TTC8: variants seen among roughly 807,000 people sequenced by gnomAD.
TTC8 encodes the protein tetratricopeptide repeat protein 8.
TTC8 carries 47 observed loss-of-function variants against 72.5 expected under a neutral mutation model. The ratio of observed to expected loss-of-function variants is 0.65; its 90% CI spans 0.51 to 0.83. The LOEUF is 0.83. Among genes scored for constraint, TTC8 ranks in the 40% least tolerant of loss-of-function variants. The probability of loss-of-function intolerance (pLI) is 0.00; values close to 1 mark genes in which losing one functional copy is unlikely to be tolerated. For synonymous variants in TTC8, 199 were observed against 221.4 expected (o/e 0.90, Z 0.90); for missense variants, 611 against 623.2 (o/e 0.98, Z 0.21).
At chr14:88,874,661 A>G (rs1214588166) in intron 13 of TTC8, among the ~76,000 whole-genome samples, 3 of 152,168 alleles carry the variant, frequency 2.0e-5, no homozygotes, top group Non-Finnish European at 4.4e-5. Flanking sequence ...TAAAAACTAG[A>G]TTAAGTAGAA....
At chr14:88,864,843 G>T (rs1480155259) in intron 10 of TTC8, among the ~76,000 whole-genome samples, 1 of 152,196 alleles carries the variant, frequency 6.6e-6, no homozygotes, top group Non-Finnish European at 1.5e-5. Flanking sequence ...GACAATAGAT[G>T]TCCAGTTAAT....
In TTC8 at chr14:88,877,869, T is replaced by C. The variant is rs1195042298; in HGVS notation, c.*459T>C. On this transcript the variant is annotated 3_prime_UTR_variant, in exon 15 of 15. Coordinates refer to ENST00000380656, the MANE Select transcript of TTC8 (RefSeq NM_144596.4). ...GTCCCAGCTACTTGGGAGGTGGAGG[T>C]GGGAGGATTATAAATAGAGACTTTC... 6.6e-6 allele frequency: 1 copy of C among 152,584 alleles called. No individual in the cohort carries two copies. The highest frequency in any genetic ancestry group is 1.5e-5 in the Non-Finnish European group (1 of 68,442). 9.5% of individuals were successfully genotyped at this position (152,584 alleles called of 1,614,324 possible).
downstream of TTC8, chr14:88,878,915 CTAG>C (rs1170047269): frequency 2.6e-5 from 4 of 152,098 alleles, no homozygotes; most frequent in Non-Finnish European, 4.4e-5. Flanking sequence ...GCTTATTGAA[CTAG>C]TAGTAAGTGC....
chr14:88,828,720 A>T lies in TTC8; in HGVS notation c.114+3899A>T, dbSNP rs2094712972. 2.0e-5 allele frequency among the ~76,000 whole-genome samples: 3 copies of T among 152,222 alleles called. No homozygotes were observed. In the South Asian group the frequency reaches 6.2e-4, roughly 32 times the overall value. Reference sequence around the variant, plus strand: ...CTCAAAAATGATTTGTTATTTGTTAATCTTTTTATAAGCTGGTCCAGGGAG... The same window carrying T: ...CTCAAAAATGATTTGTTATTTGTTATTCTTTTTATAAGCTGGTCCAGGGAG... On this transcript the variant is annotated intron_variant, in intron 1 of 14. Transcript: ENST00000380656.
intron 6 of TTC8, 72 bp downstream of exon 6, chr14:88,841,586 G>T: frequency 1.6e-6 from 2 of 1,283,836 alleles, no homozygotes; most frequent in South Asian, 1.2e-5. Flanking sequence ...ATTAGAAAAT[G>T]AATAAAAACT....
chr14:88,840,183 G>A (rs2094773468), intron 3 of TTC8: 1 of 157,038 alleles, frequency 6.4e-6, no homozygotes. Flanking sequence ...TAAGAGTGTT[G>A]TTTACAACTA....
In TTC8 at chr14:88,839,671, T is replaced by A. The variant is rs77003185; in HGVS notation, c.265+99T>A. On this transcript the variant is annotated intron_variant, in intron 3 of 14. Transcript: ENST00000380656. ...TATGCCTATATATTTCTACACTTTA[T>A]ATATATAAACATTATAGACATGAAA... 2.1e-3 allele frequency: 2,800 copies of A among 1,349,150 alleles called. 56 individuals are homozygous for A. The African/African-American group carries it at 0.037, about 18-fold the overall frequency. 83.6% of individuals were successfully genotyped at this position (1,349,150 alleles called of 1,614,324 possible).
chr14:88,837,656 C>G, intron 2 of TTC8, among the ~76,000 whole-genome samples: 1 of 152,190 alleles, frequency 6.6e-6, no homozygotes, highest in East Asian at 1.9e-4. Context: ...CAGATACTGG[C>G]AGGGCAGTAT....
chr14:88,841,354 A>G, intron 5 of TTC8, 71 bp from the exon 6 acceptor site: 1 of 1,599,554 alleles, frequency 6.3e-7, no homozygotes, highest in Non-Finnish European at 8.5e-7. Flanking sequence ...TTATATTTTT[A>G]TGCATATTAA....
chr14:88,836,139 A>G (rs1261121671), intron 2 of TTC8, among the ~76,000 whole-genome samples: 2 of 152,192 alleles, frequency 1.3e-5, no homozygotes, highest in Admixed American at 6.5e-5. Flanking sequence ...TTAGAAATTA[A>G]ATTAATATTT....
At chr14:88,859,717 G>A (rs1409477439) in intron 9 of TTC8, among the ~76,000 whole-genome samples, 1 of 150,976 alleles carries the variant, frequency 6.6e-6, no homozygotes, top group Non-Finnish European at 1.5e-5. Context: ...GAGTCCTGGA[G>A]TTCGAGACCA....
At chr14:88,833,561 C>G (rs1217568544) in intron 1 of TTC8, 132 bp from the exon 2 acceptor site, 2 of 752,260 alleles carry the variant, frequency 2.7e-6, no homozygotes, top group Non-Finnish European at 2.3e-6. Context: ...TGTAGGAAGA[C>G]TAAAGTTAAT....
chr14:88,853,300 A>G (rs1284271733), intron 8 of TTC8, among the ~76,000 whole-genome samples: 4 of 152,224 alleles, frequency 2.6e-5, no homozygotes, highest in African/African-American at 7.2e-5. Flanking sequence ...CCCTTTTCAC[A>G]TGAGGAAGCT....
Position 88,839,528 on chromosome 14 carries a change from T to G in TTC8, c.221T>G (p.Ile74Ser), listed in dbSNP as rs2094769961. The change falls in exon 3 of 15, where the codon ATT becomes AGT. Residue 74 changes from isoleucine (I) to serine (S), a missense_variant. Ile to Ser is a moderately radical substitution (Grantham distance 142, BLOSUM62 -2). Transcript: ENST00000380656. ...GAAATTGATGTAGATCAGGAAGGAA[T>G]TGCAGAAATGATGCTGGATGAAAAT... ...IDEIDVDQEG[I>S]AEMMLDENAI... is the part of the protein sequence containing the mutation. 4 of 1,613,350 alleles carry G rather than the reference T, an allele frequency of 2.5e-6. No homozygotes were observed. Among genetic ancestry groups the G allele is most frequent in the Non-Finnish European group, 3.4e-6 (4 of 1,179,540 alleles).
At chr14:88,859,092 TTTA>T (rs2094871270) in intron 9 of TTC8, among the ~76,000 whole-genome samples, 1 of 152,012 alleles carries the variant, frequency 6.6e-6, no homozygotes, top group African/African-American at 2.4e-5. Context: ...AATTGATTTG[TTTA>T]TTATTCCCTA....
At chr14:88,843,727 C>A in intron 6 of TTC8, 79 bp from the exon 7 acceptor site, 1 of 1,000,666 alleles carries the variant, frequency 1.0e-6, no homozygotes, top group Non-Finnish European at 1.5e-6. Context: ...ATCTATAAAT[C>A]CAGGGCTTTA....
chr14:88,872,476 C>T, intron 13 of TTC8, 24 bp downstream of exon 13: 1 of 1,612,410 alleles, frequency 6.2e-7, no homozygotes, highest in Non-Finnish European at 8.5e-7. Context: ...CAGCGGCATG[C>T]TGGGCAGTCT....
intron 1 of TTC8, chr14:88,830,927 C>T (rs1308881628): frequency 8.8e-6 from 4 of 456,116 alleles, no homozygotes; most frequent in East Asian, 6.9e-5. Flanking sequence ...GGTCTCTCCA[C>T]ATCCTACGGT....
At position 88,872,370 on chromosome 14, in the gene TTC8, T is replaced by A; in HGVS notation, c.1265T>A (p.Leu422Gln). The A allele has an allele frequency of 6.2e-7, 1 of 1,613,988 alleles. No individual in the cohort carries two copies. The highest frequency in any genetic ancestry group is 8.5e-7 in the Non-Finnish European group (1 of 1,179,906). Residue 422 changes from leucine (L) to glutamine (Q), a missense_variant, in exon 13 of 15, where the codon CTG (leucine) becomes CAG (glutamine). Coordinates refer to ENST00000380656, the MANE Select transcript of TTC8 (RefSeq NM_144596.4). ...AATTTGGCCCATCAGTGCTTCAGGC[T>A]GGCTCTGGTCAACAACAACAACCAC... Reference protein sequence around the residue: ...DTNLAHQCFRLALVNNNNHAE... With the variant: ...DTNLAHQCFRQALVNNNNHAE...
Sources: allele counts gnomAD v4.1 joint callset (sites outside exome capture counted in the v4.1 genomes callset), GRCh38; gene constraint gnomAD v4.1.1; transcripts MANE v1.5; gene names NCBI Gene and HGNC (gene_info 2026-07-23, HGNC 2026-07-21).